The following WASF3 variants were observed in gnomAD, a reference collection of about 807,000 sequenced individuals.
The protein encoded by WASF3 is actin-binding protein WASF3.
WASF3 carries 11 observed loss-of-function variants against 46.6 expected under a neutral mutation model. That is an observed-to-expected ratio of 0.24 (90% confidence interval 0.15 to 0.39). The LOEUF is 0.39. WASF3 is among the 10% of genes least tolerant of loss of function. The probability of loss-of-function intolerance (pLI) is 1.00; values close to 1 mark genes in which losing one functional copy is unlikely to be tolerated. For synonymous variants in WASF3, 242 were observed against 259.7 expected (o/e 0.93, Z 0.65); for missense variants, 576 against 669.8 (o/e 0.86, Z 1.55).
chr13:26,597,193 T>C (rs1697225), intron 1 of WASF3, among the ~76,000 whole-genome samples: 120,475 of 152,200 alleles, frequency 0.79, 47,900 homozygotes, highest in East Asian at 0.9. Flanking sequence ...AGTGCAGTGG[T>C]GCAATCTCAT....
chr13:26,629,253 T>C (rs1193272860), intron 2 of WASF3, among the ~76,000 whole-genome samples: 4 of 152,172 alleles, frequency 2.6e-5, no homozygotes, highest in African/African-American at 9.7e-5. Flanking sequence ...GGTTAACAAG[T>C]GATACAGAAA....
At chr13:26,634,240 A>C (rs1881745927) in intron 2 of WASF3, among the ~76,000 whole-genome samples, 1 of 152,186 alleles carries the variant, frequency 6.6e-6, no homozygotes, top group Non-Finnish European at 1.5e-5. Context: ...ACCATTATGT[A>C]ATGGCCTTCT....
intron 2 of WASF3, among the ~76,000 whole-genome samples, chr13:26,616,268 C>G (rs1321343899): frequency 6.6e-6 from 1 of 152,218 alleles, no homozygotes; most frequent in African/African-American, 2.4e-5. Context: ...CTCATAAGCA[C>G]TCTGTATGAA....
At chr13:26,606,094 T>C (rs907102053) in intron 1 of WASF3, among the ~76,000 whole-genome samples, 7 of 152,132 alleles carry the variant, frequency 4.6e-5, no homozygotes, top group African/African-American at 1.7e-4. Flanking sequence ...TACTTGGTGC[T>C]CTTTATTGCT....
At chr13:26,660,425 G>C (rs1251985894) in intron 3 of WASF3, among the ~76,000 whole-genome samples, 1 of 152,008 alleles carries the variant, frequency 6.6e-6, no homozygotes, top group African/African-American at 2.4e-5. Context: ...GCCAGAGAGA[G>C]GCCGGATGGA....
chr13:26,575,148 T>C (rs1879758161), intron 1 of WASF3, among the ~76,000 whole-genome samples: 1 of 152,146 alleles, frequency 6.6e-6, no homozygotes, highest in Non-Finnish European at 1.5e-5. Flanking sequence ...CCCCTTCTTA[T>C]TTTTAACCTA....
At position 26,665,037 on chromosome 13, in the gene WASF3, C is replaced by T. The variant is rs1355436581; in HGVS notation, c.143C>T (p.Ala48Val). 6.2e-7 allele frequency: 1 copy of T among 1,614,084 alleles called. No individual in the cohort carries two copies. ...IRQLSSLSKH[A>V]EDIFGELFNE... ...TCATTTTATTCTACAGGCAAACATG[C>T]TGAAGACATATTTGGTGAGTTGTTT... The change falls in exon 4 of 10, where the codon GCT becomes GTT. Residue 48 changes from alanine (A) to valine (V), a missense_variant. Ala to Val is a moderately conservative substitution (Grantham distance 64). Around this residue, in one of 3 missense-constraint regions of WASF3, gnomAD observed 213 missense variants for 278.0 expected, o/e 0.77. Coordinates refer to ENST00000335327, the MANE Select transcript of WASF3 (RefSeq NM_006646.6).
At chr13:26,637,650 C>T (rs748935943) in intron 2 of WASF3, among the ~76,000 whole-genome samples, 6 of 152,202 alleles carry the variant, frequency 3.9e-5, no homozygotes, top group Admixed American at 6.5e-5. Context: ...TAGCCAACTC[C>T]GCTGCTTTTC....
the WASF3 span, among the ~76,000 whole-genome samples, chr13:26,551,763 C>T: frequency 6.6e-6 from 1 of 152,104 alleles, no homozygotes; most frequent in Non-Finnish European, 1.5e-5. Context: ...GCTAGTGGTG[C>T]AGGATGCTTC....
intron 1 of WASF3, among the ~76,000 whole-genome samples, chr13:26,610,862 T>C (rs1048930640): frequency 6.6e-6 from 1 of 152,208 alleles, no homozygotes; most frequent in African/African-American, 2.4e-5. Context: ...GTTACTGATA[T>C]GCTCTCCATT....
At position 26,687,321 on chromosome 13, in the gene WASF3, G is replaced by A. The variant is rs1462939475; in HGVS notation, c.*1476G>A. Reference sequence around the variant, plus strand: ...TACTCAGTTATGTTGAGAAGAATCTGGAGCTAAAAGCAGAGATGTTTGAGG... The same window carrying A: ...TACTCAGTTATGTTGAGAAGAATCTAGAGCTAAAAGCAGAGATGTTTGAGG... On this transcript the variant is annotated 3_prime_UTR_variant, in exon 10 of 10. Coordinates refer to ENST00000335327, the MANE Select transcript of WASF3 (RefSeq NM_006646.6). The A allele has an allele frequency of 6.6e-6, 1 of 152,220 alleles. No homozygotes were observed. Among genetic ancestry groups the A allele is most frequent in the Non-Finnish European group, 1.5e-5 (1 of 68,048 alleles). 9.4% of individuals were successfully genotyped at this position (152,220 alleles called of 1,614,324 possible).
intron 3 of WASF3, among the ~76,000 whole-genome samples, chr13:26,649,486 A>G (rs1882249015): frequency 6.6e-6 from 1 of 152,206 alleles, no homozygotes; most frequent in African/African-American, 2.4e-5. Flanking sequence ...AGGAAGCTCA[A>G]TAATCTGAAA....
At chr13:26,675,650 C>CTGTGTGTCTGTGTGTGTGTG (rs1883046457) in intron 6 of WASF3, among the ~76,000 whole-genome samples, 1 of 146,980 alleles carries the variant, frequency 6.8e-6, no homozygotes, top group African/African-American at 2.5e-5. Context: ...GATGCCATGT[C>CTGTGTGTCTGTGTGTGTGTG]TGTGTGTGTG....
chr13:26,643,891 G>A (rs1882073307), intron 3 of WASF3, among the ~76,000 whole-genome samples: 1 of 152,216 alleles, frequency 6.6e-6, no homozygotes, highest in South Asian at 2.1e-4. Flanking sequence ...AAATAGAATA[G>A]TAATAGCCCC....
chr13:26,590,447 T>C (rs1194980652), intron 1 of WASF3, among the ~76,000 whole-genome samples: 1 of 152,180 alleles, frequency 6.6e-6, no homozygotes, highest in Non-Finnish European at 1.5e-5. Flanking sequence ...TAAAATTTCT[T>C]TTTCTCTTTA....
At chr13:26,545,294 A>G in the WASF3 span, among the ~76,000 whole-genome samples, 1 of 151,998 alleles carries the variant, frequency 6.6e-6, no homozygotes, top group Non-Finnish European at 1.5e-5. Flanking sequence ...TGTAATTTTC[A>G]TTGTCTCTTT....
At chr13:26,633,562 A>T (rs1286532026) in intron 2 of WASF3, among the ~76,000 whole-genome samples, 1 of 152,006 alleles carries the variant, frequency 6.6e-6, no homozygotes, top group Non-Finnish European at 1.5e-5. Context: ...TTGCTTCTCT[A>T]GTTCTTTTAA....
intron 3 of WASF3, among the ~76,000 whole-genome samples, chr13:26,649,185 A>G (rs1172739798): frequency 6.6e-6 from 1 of 152,228 alleles, no homozygotes; most frequent in Non-Finnish European, 1.5e-5. Flanking sequence ...CTTCCTTAAA[A>G]GATGCCGTTT....
chr13:26,653,826 A>G (rs1882388944), intron 3 of WASF3, among the ~76,000 whole-genome samples: 1 of 152,164 alleles, frequency 6.6e-6, no homozygotes, highest in African/African-American at 2.4e-5. Flanking sequence ...CAACTGTACA[A>G]CTGTCCACTC....
Sources: gnomAD v4.1 joint callset for allele counts (sites outside exome capture counted in the v4.1 genomes callset) on GRCh38, gnomAD v4.1.1 for gene constraint, gnomAD v4.1.1 regional missense constraint, MANE v1.5 for transcripts, NCBI Gene and HGNC (gene_info 2026-07-23, HGNC 2026-07-21) for gene names.